EFHC1: variants seen among roughly 807,000 people sequenced by gnomAD.
EFHC1 encodes EF-hand domain-containing protein 1.
EFHC1 carries 53 observed loss-of-function variants against 69.9 expected under a neutral mutation model. That is an observed-to-expected ratio of 0.76 (90% CI 0.61 to 0.95). The LOEUF (loss-of-function observed/expected upper bound fraction) is 0.95. Among genes scored for constraint, EFHC1 ranks in the 40% least tolerant of loss-of-function variants. EFHC1 has a pLI of 0.00. For synonymous variants in EFHC1, 256 were observed against 278.4 expected (o/e 0.92, Z 0.80); for missense variants, 739 against 798.7 (o/e 0.93, Z 0.90).
intron 7 of EFHC1, among the ~76,000 whole-genome samples, chr6:52,474,033 A>G (rs1467866370): frequency 6.6e-6 from 1 of 152,086 alleles, no homozygotes; most frequent in African/African-American, 2.4e-5. Flanking sequence ...AACTAAACAT[A>G]TTAGAAGGGC....
chr6:52,453,682 C>G (rs561584145), intron 4 of EFHC1: 1 of 1,251,370 alleles, frequency 8.0e-7, no homozygotes, highest in Non-Finnish European at 1.0e-6. Context: ...GTTGATGGGA[C>G]CAAAAAAAGA....
At position 52,492,438 on chromosome 6, in the gene EFHC1, A is replaced by G; in HGVS notation, c.*97A>G. 1 of 1,263,156 alleles carries G rather than the reference A, an allele frequency of 7.9e-7. No individual in the cohort carries two copies. Among genetic ancestry groups the G allele is most frequent in the East Asian group, 2.4e-5 (1 of 41,048 alleles). 78.2% of individuals were successfully genotyped at this position (1,263,156 alleles called of 1,614,324 possible). On this transcript the variant is annotated 3_prime_UTR_variant, in exon 11 of 11. Coordinates refer to ENST00000371068, the MANE Select transcript of EFHC1 (RefSeq NM_018100.4). ...ATAGAGGCATTTACAGGGTTCCTGAAGTTTTATTTCTGTTTTGGTTCTTCT... is the reference window on the plus strand; with the variant it reads ...ATAGAGGCATTTACAGGGTTCCTGAGGTTTTATTTCTGTTTTGGTTCTTCT...
intron 3 of EFHC1, among the ~76,000 whole-genome samples, chr6:52,444,826 C>G (rs1764743931): frequency 6.6e-6 from 1 of 152,176 alleles, no homozygotes; most frequent in Non-Finnish European, 1.5e-5. Context: ...GGAGGATTCC[C>G]TCTTTTTCTA....
Position 52,494,064 on chromosome 6 carries a change from G to A in EFHC1, c.*1723G>A, listed in dbSNP as rs1441737054. On this transcript the variant is annotated 3_prime_UTR_variant, in exon 11 of 11. Coordinates refer to ENST00000371068, the MANE Select transcript of EFHC1 (RefSeq NM_018100.4). ...GTTTTGTTTTGTTTTACCCTCAGTCGCTCATAACTATTTAAAACAGTATCT... is the reference window on the plus strand; with the variant it reads ...GTTTTGTTTTGTTTTACCCTCAGTCACTCATAACTATTTAAAACAGTATCT... The A allele has an allele frequency of 1.7e-5, 7 of 416,628 alleles. No homozygotes were observed. The highest frequency in any genetic ancestry group is 7.8e-5 in the East Asian group (1 of 12,894). 25.8% of individuals were successfully genotyped at this position (416,628 alleles called of 1,614,324 possible). A position where few individuals can be genotyped will look rare whatever the true frequency, so the allele number is the denominator to read the frequency against.
Position 52,469,327 on chromosome 6 carries a change from C to T in EFHC1, c.1138-6C>T, listed in dbSNP as rs932580766. ...GCCTTACTTCTTGCTTCCTATGTAT[C>T]TCCAGGAGTTGCCTCCTTATAACGG... On this transcript the variant is annotated splice_polypyrimidine_tract_variant and splice_region_variant and intron_variant, in intron 6 of 10. Transcript: ENST00000371068. The T allele has an allele frequency of 3.7e-6, 6 of 1,613,890 alleles. No homozygotes were observed. The highest frequency in any genetic ancestry group is 5.1e-6 in the Non-Finnish European group (6 of 1,179,886).
At chr6:52,450,942 G>A (rs1236948474) in intron 3 of EFHC1, among the ~76,000 whole-genome samples, 1 of 152,090 alleles carries the variant, frequency 6.6e-6, no homozygotes, top group Non-Finnish European at 1.5e-5. Context: ...GGGATTACAG[G>A]TGTGTACCAC....
At chr6:52,487,190 G>T (rs537556431) in intron 9 of EFHC1, 28 of 152,132 alleles carry the variant, frequency 1.8e-4, no homozygotes, top group South Asian at 4.1e-4. Flanking sequence ...ATAGGCAGCA[G>T]GTTGGCTTTG....
chr6:52,448,377 C>T (rs575128249), intron 3 of EFHC1, among the ~76,000 whole-genome samples: 5 of 152,190 alleles, frequency 3.3e-5, no homozygotes, highest in East Asian at 1.9e-4. Flanking sequence ...GAGCCAGGTG[C>T]GGGATATAAT....
intron 5 of EFHC1, among the ~76,000 whole-genome samples, chr6:52,455,280 T>G (rs1765017587): frequency 6.6e-6 from 1 of 152,184 alleles, no homozygotes; most frequent in Non-Finnish European, 1.5e-5. Context: ...TATGTTTGGG[T>G]GGCTGACAGG....
chr6:52,471,171 T>C (rs1765428170), intron 7 of EFHC1, among the ~76,000 whole-genome samples: 1 of 152,236 alleles, frequency 6.6e-6, no homozygotes, highest in Non-Finnish European at 1.5e-5. Context: ...AAGACCCACC[T>C]GTGAGGACAA....
chr6:52,482,158 T>C (rs1765693155), intron 9 of EFHC1: 1 of 152,042 alleles, frequency 6.6e-6, no homozygotes, highest in Non-Finnish European at 1.5e-5. Flanking sequence ...CTGACCAACA[T>C]GGTGAACCCC....
intron 3 of EFHC1, among the ~76,000 whole-genome samples, chr6:52,447,842 G>C (rs1367721674): frequency 1.3e-5 from 2 of 152,222 alleles, no homozygotes; most frequent in Admixed American, 1.3e-4. Flanking sequence ...GTCCACTTCA[G>C]ACCCTGTTTG....
intron 2 of EFHC1, among the ~76,000 whole-genome samples, chr6:52,427,260 G>A (rs1179181966): frequency 6.6e-6 from 1 of 152,110 alleles, no homozygotes; most frequent in Non-Finnish European, 1.5e-5. Flanking sequence ...CAACTCTACA[G>A]GTTCCTCACA....
At position 52,493,157 on chromosome 6, in the gene EFHC1, A is replaced by G. The variant is rs576688277; in HGVS notation, c.*816A>G. The G allele has an allele frequency of 2.2e-6, 1 of 453,818 alleles. No homozygotes were observed. The highest frequency in any genetic ancestry group is 7.0e-5 in the East Asian group (1 of 14,386). The allele number at this position is 453,818 out of a possible 1,614,324, so 28.1% of individuals were successfully genotyped here. On this transcript the variant is annotated 3_prime_UTR_variant, in exon 11 of 11. Coordinates refer to ENST00000371068, the MANE Select transcript of EFHC1 (RefSeq NM_018100.4). Reference sequence around the variant, plus strand: ...CTTGCCTTCAGACACAAATGGAAACATCAGCTGTTGGTCTGGAGCCTGCTG... The same window carrying G: ...CTTGCCTTCAGACACAAATGGAAACGTCAGCTGTTGGTCTGGAGCCTGCTG...
chr6:52,489,080 C>T (rs1303863749), intron 9 of EFHC1: 2 of 152,152 alleles, frequency 1.3e-5, no homozygotes, highest in African/African-American at 4.8e-5. Flanking sequence ...CCTTCCCCAG[C>T]AAGACTTGCC....
chr6:52,449,598 C>T (rs1764871377), intron 3 of EFHC1, among the ~76,000 whole-genome samples: 1 of 152,124 alleles, frequency 6.6e-6, no homozygotes, highest in Admixed American at 6.5e-5. Context: ...TCTAGGTTTT[C>T]TAGTGTTGTG....
rs1444141822 is a variant in EFHC1, at chr6:52,479,698, G to A, written c.1551G>A (p.Glu517=). Residue 517 remains glutamate, a synonymous_variant, in exon 9 of 11, where the codon GAG becomes GAA. Coordinates refer to ENST00000371068, the MANE Select transcript of EFHC1 (RefSeq NM_018100.4). ...DTDEYVLKYM[E]SNAAQYSPEA... Reference sequence around the variant, plus strand: ...ACGAGTATGTTTTGAAATACATGGAGAGCAACGCTGCCCAGTATTCACCAG... The same window carrying A: ...ACGAGTATGTTTTGAAATACATGGAAAGCAACGCTGCCCAGTATTCACCAG... The A allele has an allele frequency of 6.2e-7, 1 of 1,614,066 alleles. No homozygotes were observed. The highest frequency in any genetic ancestry group is 8.5e-7 in the Non-Finnish European group (1 of 1,180,044).
intron 3 of EFHC1, among the ~76,000 whole-genome samples, chr6:52,443,912 A>G (rs1223402937): frequency 3.3e-5 from 5 of 152,112 alleles, no homozygotes; most frequent in African/African-American, 9.7e-5. Context: ...GATTCTTCCT[A>G]CCCATGAGTA....
At chr6:52,421,066 C>G in intron 1 of EFHC1, 1 of 992,690 alleles carries the variant, frequency 1.0e-6, no homozygotes, top group Non-Finnish European at 1.2e-6. Flanking sequence ...TTCTTTCCGC[C>G]AGGTCTTTTT....
Sources: allele counts gnomAD v4.1 joint callset (sites outside exome capture counted in the v4.1 genomes callset), GRCh38; gene constraint gnomAD v4.1.1; transcripts MANE v1.5; gene names NCBI Gene and HGNC (gene_info 2026-07-23, HGNC 2026-07-21).